Variants in F11 observed in about 807,000 individuals in gnomAD.
F11 encodes the protein coagulation factor XI, also known as coagualtion factor XI.
In F11, 78 loss-of-function variants were observed where a neutral mutation model predicts 76.5. The ratio of observed to expected loss-of-function variants is 1.02; its 90% CI spans 0.85 to 1.23. The LOEUF is 1.23. Ranked by LOEUF, F11 falls within the 50% of genes most tolerant of loss-of-function variation. F11 has a pLI of 0.00. For synonymous variants in F11, 278 were observed against 276.3 expected (o/e 1.01, Z -0.06); for missense variants, 742 against 771.4 (o/e 0.96, Z 0.45).
Position 186,279,923 on chromosome 4 carries a change from A to G in F11, c.756-89A>G. 3.1e-6 allele frequency: 3 copies of G among 970,780 alleles called. No homozygotes were observed. The South Asian group carries it at 4.0e-5, about 13-fold the overall frequency. 60.1% of individuals were successfully genotyped at this position (970,780 alleles called of 1,614,324 possible). A position where few individuals can be genotyped will look rare whatever the true frequency, so the allele number is the denominator to read the frequency against. On this transcript the variant is annotated intron_variant, in intron 7 of 14. Transcript: ENST00000403665. ...AAAATCTTCACAACTAAGTGCTAGCATGAGCTGACTTTACTTTCTCTAGGT... is the reference window on the plus strand; with the variant it reads ...AAAATCTTCACAACTAAGTGCTAGCGTGAGCTGACTTTACTTTCTCTAGGT...
intron 10 of F11, chr4:186,282,471 A>G (rs1319504638): frequency 2.0e-6 from 2 of 985,198 alleles, no homozygotes; most frequent in Non-Finnish European, 2.4e-6. Context: ...CTGGTCTACA[A>G]TGTAACTTAA....
At chr4:186,278,275 A>G (rs1428626929) in intron 7 of F11, among the ~76,000 whole-genome samples, 1 of 152,184 alleles carries the variant, frequency 6.6e-6, no homozygotes, top group African/African-American at 2.4e-5. Flanking sequence ...CAGCCAAGGG[A>G]GGCCCTGTGT....
intron 3 of F11, 55 bp downstream of exon 3, chr4:186,271,826 T>C (rs2126721339): frequency 6.4e-7 from 1 of 1,554,264 alleles, no homozygotes; most frequent in South Asian, 1.1e-5. Context: ...GAGATTGCTA[T>C]TCTTAACACA....
At position 186,271,631 on chromosome 4, in the gene F11, G is replaced by A; in HGVS notation, c.78G>A (p.Lys26=). Residue 26 remains lysine (K), a synonymous_variant, in exon 3 of 15, where the codon AAG becomes AAA. Transcript: ENST00000403665. ...CAGAATGTGTGACTCAGTTGTTGAAGGACACCTGCTTTGAAGGAGGGGACA... is the reference window on the plus strand; with the variant it reads ...CAGAATGTGTGACTCAGTTGTTGAAAGACACCTGCTTTGAAGGAGGGGACA... ...VSGECVTQLL[K]DTCFEGGDIT... is the part of the protein sequence containing the mutation. The A allele has an allele frequency of 1.2e-6, 2 of 1,614,134 alleles. No homozygotes were observed. Among genetic ancestry groups the A allele is most frequent in the East Asian group, 4.5e-5 (2 of 44,884 alleles).
At chr4:186,281,843 T>C in intron 10 of F11, 1 of 1,197,732 alleles carries the variant, frequency 8.3e-7, no homozygotes. Context: ...GGCGAATCAA[T>C]CCTTAATTTC....
At chr4:186,272,998 T>A in intron 3 of F11, 73 bp from the exon 4 acceptor site, 1 of 993,864 alleles carries the variant, frequency 1.0e-6, no homozygotes, top group Non-Finnish European at 1.6e-6. Flanking sequence ...GCTTTCTGTG[T>A]GCTGACTTTT....
At position 186,280,323 on chromosome 4, in the gene F11, C is replaced by G. The variant is rs764528796; in HGVS notation, c.966C>G (p.Thr322=). ...ACGAGGCCTGCCAGAAACTGTGCAC[C>G]AATGCCGTCCGCTGCCAGTTTTTTA... ...KSHEACQKLC[T]NAVRCQFFTY... Residue 322 remains threonine, a synonymous_variant, in exon 9 of 15, where the codon ACC becomes ACG. Transcript: ENST00000403665. 1.2e-6 allele frequency: 2 copies of G among 1,614,154 alleles called. No homozygotes were observed. The highest frequency in any genetic ancestry group is 4.5e-5 in the East Asian group (2 of 44,890).
In F11 at chr4:186,280,568, A is replaced by G; in HGVS notation, c.1123A>G (p.Lys375Glu). ...GISGYTLRLC[K>E]MDNECTTKIK... is the part of the protein sequence containing the mutation. The stretch of plus-strand genomic sequence containing the variant: ...CTCTGGATACACATTAAGGTTGTGT[A>G]AAATGGATAATGGTGAGTATAATGT... The change falls in exon 10 of 15, where the codon AAA becomes GAA. Residue 375 changes from lysine to glutamate, a missense_variant. Transcript: ENST00000403665. 6.2e-7 allele frequency: 1 copy of G among 1,612,132 alleles called. No homozygotes were observed.
chr4:186,275,144 G>T (rs1431865739), intron 5 of F11: 3 of 457,048 alleles, frequency 6.6e-6, no homozygotes, highest in South Asian at 3.1e-5. Flanking sequence ...AATGTGAACT[G>T]CAAGACAAGA....
rs754364422 is a variant in F11, at chr4:186,284,185, C to T, written c.1229C>T (p.Pro410Leu). 2 of 1,614,196 alleles carry T rather than the reference C, an allele frequency of 1.2e-6. No homozygotes were observed. Among genetic ancestry groups the T allele is most frequent in the African/African-American group, 2.7e-5 (2 of 75,060 alleles). ...PWQVTLHTTS[P>L]TQRHLCGGSI... ...CAGGTGACCCTGCACACAACCTCAC[C>T]CACTCAGAGACACCTGTGTGGAGGC... Residue 410 changes from proline (P) to leucine (L), a missense_variant, in exon 11 of 15, where the codon CCC (proline) becomes CTC (leucine). By Grantham distance (98) the Pro-to-Leu change is moderately conservative. Coordinates refer to ENST00000403665, the MANE Select transcript of F11 (RefSeq NM_000128.4).
chr4:186,282,631 A>G, intron 10 of F11: 1 of 985,128 alleles, frequency 1.0e-6, no homozygotes, highest in Non-Finnish European at 1.2e-6. Flanking sequence ...AGTTATTTCT[A>G]AAATATCTTA....
chr4:186,269,414 C>G (rs1657069562), intron 2 of F11, among the ~76,000 whole-genome samples: 1 of 152,132 alleles, frequency 6.6e-6, no homozygotes, highest in African/African-American at 2.4e-5. Flanking sequence ...ATTACTCAAC[C>G]CTAAAAAGAA....
Position 186,275,339 on chromosome 4 carries a change from A to G in F11, c.486-448A>G, listed in dbSNP as rs1580078333. Among the ~76,000 whole-genome samples the G allele has an allele frequency of 2.6e-5, 4 of 151,800 alleles. No homozygotes were observed. The South Asian group carries it at 8.3e-4, about 32-fold the overall frequency. ...AACCCCGTCTCTACTAAAAAAGAAT[A>G]CAAAAATTAGCCAGGCGCGGTGGTG... On this transcript the variant is annotated intron_variant, in intron 5 of 14. Transcript: ENST00000403665.
At chr4:186,276,582 C>CTTTTTTTTTTTTTTTTTTTTT in intron 7 of F11, among the ~76,000 whole-genome samples, 192 bp downstream of exon 7, 1 of 75,916 alleles carries the variant, frequency 1.3e-5, no homozygotes, top group Non-Finnish European at 2.5e-5. Context: ...ACCGAGGACT[C>CTTTTTTTTTTTTTTTTTTTTT]TTTTTTTTTT....
chr4:186,285,657 T>C lies in F11; in HGVS notation c.1324T>C (p.Leu442=), dbSNP rs201882589. 6.2e-7 allele frequency: 1 copy of C among 1,614,152 alleles called. No homozygotes were observed. The highest frequency in any genetic ancestry group is 1.3e-5 in the African/African-American group (1 of 75,036). Residue 442 remains leucine, a synonymous_variant, in exon 12 of 15, where the codon TTG becomes CTG. Transcript: ENST00000403665. ...CFYGVESPKI[L]RVYSGILNQS... The stretch of plus-strand genomic sequence containing the variant: ...CCTTAGGGTAGAGTCACCTAAGATT[T>C]TGCGTGTCTACAGTGGCATTTTAAA...
chr4:186,276,574 C>A (rs980922426), intron 7 of F11, among the ~76,000 whole-genome samples, 184 bp downstream of exon 7: 1 of 146,286 alleles, frequency 6.8e-6, no homozygotes, highest in African/African-American at 2.5e-5. Flanking sequence ...CCAACATTAC[C>A]GAGGACTCTT....
chr4:186,276,013 C>A, intron 6 of F11, 117 bp downstream of exon 6: 1 of 971,560 alleles, frequency 1.0e-6, no homozygotes, highest in South Asian at 1.4e-5. Context: ...AGATCTTTAC[C>A]TTCTTCATGT....
At chr4:186,267,632 C>A (rs1328213456) in intron 2 of F11, among the ~76,000 whole-genome samples, 1 of 152,180 alleles carries the variant, frequency 6.6e-6, no homozygotes, top group Non-Finnish European at 1.5e-5. Context: ...CCTGTTAATT[C>A]TCCACCCTAT....
downstream of F11, among the ~76,000 whole-genome samples, chr4:186,290,538 G>A (rs369331570): frequency 4.6e-5 from 7 of 152,332 alleles, no homozygotes; most frequent in South Asian, 6.2e-4. Flanking sequence ...AGATGTTTCT[G>A]TAAAGTCTTT....
Sources: allele counts gnomAD v4.1 joint callset (sites outside exome capture counted in the v4.1 genomes callset), GRCh38; gene constraint gnomAD v4.1.1; transcripts MANE v1.5; gene names NCBI Gene and HGNC (gene_info 2026-07-23, HGNC 2026-07-21).